The following WNT7B variants were observed in gnomAD, a reference collection of about 807,000 sequenced individuals.
WNT7B encodes the protein Wnt family member 7B.
A neutral mutation model predicts 38.2 loss-of-function variants in WNT7B; 19 were observed. The observed-to-expected ratio is 0.50, with a 90% CI of 0.35 to 0.73. The LOEUF is 0.73. Ranked by LOEUF, WNT7B falls within the 30% of genes least tolerant of loss-of-function variation. The pLI is 0.01. For missense variants in WNT7B, 423 were observed against 507.9 expected (o/e 0.83, Z 1.61); for synonymous variants, 243 against 209.3 (o/e 1.16, Z -1.39).
At chr22:45,935,920 G>A (rs1387232646) in intron 2 of WNT7B, 3 of 985,248 alleles carry the variant, frequency 3.0e-6, no homozygotes, top group African/African-American at 3.5e-5. Flanking sequence ...GGGGCCGGCA[G>A]CTGTCCTGCT....
chr22:45,932,085 T>A (rs1014683636), intron 2 of WNT7B, among the ~76,000 whole-genome samples: 8 of 152,164 alleles, frequency 5.3e-5, no homozygotes, highest in Non-Finnish European at 8.8e-5. Flanking sequence ...CAGTCCTCCC[T>A]GCTGCTTCAT....
intron 2 of WNT7B, among the ~76,000 whole-genome samples, chr22:45,933,735 A>G (rs958622937): frequency 6.6e-6 from 1 of 152,180 alleles, no homozygotes; most frequent in African/African-American, 2.4e-5. Flanking sequence ...AACAAGGAGC[A>G]TGGATTCGCT....
Position 45,976,352 on chromosome 22 carries a change from G to A in WNT7B, c.71+332C>T, listed in dbSNP as rs1419733111. Among the ~76,000 whole-genome samples the A allele has an allele frequency of 6.6e-6, 1 of 150,822 alleles. No homozygotes were observed. Among genetic ancestry groups the A allele is most frequent in the Admixed American group, 6.6e-5 (1 of 15,156 alleles). On this transcript the variant is annotated intron_variant, in intron 1 of 3. Transcript: ENST00000339464. The surrounding 1 kb of genome is among the most constrained non-coding windows in gnomAD (Gnocchi z 8.5). ...GCTCGGCGCCCAGCGCAGCCCGGGG[G>A]AGGGAAGGCGCGTCCCACCCCCGGG...
Position 45,970,362 on chromosome 22 carries a change from G to A in WNT7B, c.71+6322C>T, listed in dbSNP as rs527423872. 3.9e-5 allele frequency among the ~76,000 whole-genome samples: 6 copies of A among 152,320 alleles called. No homozygotes were observed. The East Asian group carries it at 9.7e-4, about 25-fold the overall frequency. The stretch of plus-strand genomic sequence containing the variant: ...CACACTCCAGGAGCAAGCCTGGCGG[G>A]GGTAGTCACTGCAGGCCCGGATGAG... On this transcript the variant is annotated intron_variant, in intron 1 of 3. Transcript: ENST00000339464.
intron 1 of WNT7B, among the ~76,000 whole-genome samples, chr22:45,973,126 C>T (rs1932486602): frequency 6.6e-6 from 1 of 152,282 alleles, no homozygotes; most frequent in African/African-American, 2.4e-5. Context: ...TCTCCTCACA[C>T]AGAGGCTTCC....
intron 2 of WNT7B, among the ~76,000 whole-genome samples, chr22:45,942,023 TG>T (rs1486761261): frequency 1.3e-5 from 2 of 151,982 alleles, no homozygotes; most frequent in Non-Finnish European, 2.9e-5. Context: ...GGGAGCTCCT[TG>T]GTTTTCTGAG....
intron 1 of WNT7B, among the ~76,000 whole-genome samples, chr22:45,967,149 C>A (rs917037352): frequency 9.2e-5 from 14 of 152,240 alleles, no homozygotes; most frequent in Non-Finnish European, 1.5e-4. Context: ...GTGAGGCCCC[C>A]AGCCCTGCGC....
chr22:45,950,059 C>G lies in WNT7B; in HGVS notation c.159G>C (p.Gln53His), dbSNP rs753922305. The G allele has an allele frequency of 1.2e-6, 2 of 1,614,064 alleles. No individual in the cohort carries two copies. The highest frequency in any genetic ancestry group is 2.2e-5 in the East Asian group (1 of 44,886). ...GLAPRQRAICQSRPDAIIVIG... is the reference protein window; with the variant it reads ...GLAPRQRAICHSRPDAIIVIG... ...TCACAATGATGGCATCGGGCCGACT[C>G]TGGCAGATGGCACGCTGCCGCGGGG... is the stretch of plus-strand genomic sequence containing the variant. The change falls in exon 2 of 4, where the codon CAG (glutamine) becomes CAC (histidine). Residue 53 changes from glutamine to histidine, a missense_variant. By Grantham distance (24) the Gln-to-His change is conservative. Transcript: ENST00000339464.
Position 45,976,620 on chromosome 22 carries a change from C to T in WNT7B, c.71+64G>A. 1.3e-6 allele frequency: 2 copies of T among 1,554,520 alleles called. No homozygotes were observed. Among genetic ancestry groups the T allele is most frequent in the South Asian group, 2.3e-5 (2 of 86,416 alleles). Reference sequence around the variant, plus strand: ...GTCCCCACGTCCCCACGGGGACGCCCCGGAGGCAGCTCCTTCGTGCTGTCT... The same window carrying T: ...GTCCCCACGTCCCCACGGGGACGCCTCGGAGGCAGCTCCTTCGTGCTGTCT... On this transcript the variant is annotated intron_variant, in intron 1 of 3. Coordinates refer to ENST00000339464, the MANE Select transcript of WNT7B (RefSeq NM_058238.3). This position sits in a 1 kb window ranked among gnomAD's most constrained non-coding sequence, Gnocchi z 8.5.
At chr22:45,932,158 C>T (rs977515286) in intron 2 of WNT7B, among the ~76,000 whole-genome samples, 8 of 152,048 alleles carry the variant, frequency 5.3e-5, no homozygotes, top group Non-Finnish European at 1.0e-4. Context: ...CTGGCACCTT[C>T]ACTGCTCCCC....
chr22:45,931,968 G>A (rs1041869673), intron 2 of WNT7B, among the ~76,000 whole-genome samples: 1 of 152,078 alleles, frequency 6.6e-6, no homozygotes, highest in African/African-American at 2.4e-5. Flanking sequence ...TCTCCCTCTT[G>A]GTCCACCCGC....
In WNT7B at chr22:45,921,962, C is replaced by G. The variant is rs1353764349; in HGVS notation, c.*894G>C. On this transcript the variant is annotated 3_prime_UTR_variant, in exon 4 of 4. Coordinates refer to ENST00000339464, the MANE Select transcript of WNT7B (RefSeq NM_058238.3). ...TTTTAGTAGAGACAGGGTTTCACCACGTTGGCCAGGCTGGTCTCGAACTCC... is the reference window on the plus strand; with the variant it reads ...TTTTAGTAGAGACAGGGTTTCACCAGGTTGGCCAGGCTGGTCTCGAACTCC... 5.9e-5 allele frequency: 9 copies of G among 152,040 alleles called. No individual in the cohort carries two copies. Among genetic ancestry groups the G allele is most frequent in the Admixed American group, 2.6e-4 (4 of 15,246 alleles). 9.4% of individuals were successfully genotyped at this position (152,040 alleles called of 1,614,324 possible).
chr22:45,929,543 TCCAA>T (rs1244849112), intron 3 of WNT7B, among the ~76,000 whole-genome samples: 2 of 132,230 alleles, frequency 1.5e-5, no homozygotes, highest in African/African-American at 2.8e-5. Context: ...CACTCATCCT[TCCAA>T]CCATCCTTCC....
At chr22:45,940,002 G>T (rs971240771) in intron 2 of WNT7B, among the ~76,000 whole-genome samples, 1 of 152,142 alleles carries the variant, frequency 6.6e-6, no homozygotes, top group African/African-American at 2.4e-5. Flanking sequence ...AAGCCACAGG[G>T]TTTCTTTCTG....
At chr22:45,940,225 A>G (rs1931611952) in intron 2 of WNT7B, among the ~76,000 whole-genome samples, 1 of 152,054 alleles carries the variant, frequency 6.6e-6, no homozygotes, top group South Asian at 2.1e-4. Flanking sequence ...CTGAGGCCCC[A>G]TGGGTATGAA....
At chr22:45,923,402 C>T (rs1827155998) in intron 3 of WNT7B, 67 bp from the exon 4 acceptor site, 2 of 1,528,732 alleles carry the variant, frequency 1.3e-6, no homozygotes, top group African/African-American at 1.4e-5. Flanking sequence ...GTTCCCCTAC[C>T]CCTGCCTCTA....
Position 45,923,194 on chromosome 22 carries a change from C to T in WNT7B, c.712G>A (p.Val238Met). ...LKEKYNAAVQ[V>M]EVVRASRLRQ... ...AGACGGCTGGCCCGCACCACCTCCA[C>T]CTGCACGGCCGCGTTGTACTTCTCC... Residue 238 changes from valine (V) to methionine (M), a missense_variant, in exon 4 of 4, where the codon GTG (valine) becomes ATG (methionine). Val to Met is a conservative substitution (Grantham distance 21). Transcript: ENST00000339464. The T allele has an allele frequency of 6.2e-7, 1 of 1,613,004 alleles. No individual in the cohort carries two copies. Among genetic ancestry groups the T allele is most frequent in the Non-Finnish European group, 8.5e-7 (1 of 1,179,956 alleles).
At chr22:45,925,347 G>A (rs1931051500) in intron 3 of WNT7B, 1 of 983,290 alleles carries the variant, frequency 1.0e-6, no homozygotes, top group Admixed American at 6.2e-5. Flanking sequence ...GACAAAGACT[G>A]GAGAGACTGG....
In WNT7B at chr22:45,976,384, A is replaced by G. The variant is rs1932551934; in HGVS notation, c.71+300T>C. 6.6e-6 allele frequency among the ~76,000 whole-genome samples: 1 copy of G among 151,134 alleles called. No individual in the cohort carries two copies. The highest frequency in any genetic ancestry group is 6.6e-5 in the Admixed American group (1 of 15,206). On this transcript the variant is annotated intron_variant, in intron 1 of 3. Transcript: ENST00000339464. This position sits in a 1 kb window ranked among gnomAD's most constrained non-coding sequence, Gnocchi z 8.5. ...GGCGCGTCCCACCCCCGGGGCCTGG[A>G]GCCCAAACAGGTGAAAGTACGCGCC...
Sources: gnomAD v4.1 joint callset for allele counts (sites outside exome capture counted in the v4.1 genomes callset) on GRCh38, gnomAD v4.1.1 for gene constraint, Gnocchi (gnomAD v3.1) non-coding constraint, MANE v1.5 for transcripts, NCBI Gene and HGNC (gene_info 2026-07-23, HGNC 2026-07-21) for gene names.